SNAP47: variants seen among roughly 807,000 people sequenced by gnomAD.
The protein encoded by SNAP47 is synaptosome associated protein 47, also known as synaptosomal-associated protein 47.
Under a neutral mutation model 31.4 loss-of-function variants are expected in SNAP47, and 20 were observed. The ratio of observed to expected loss-of-function variants is 0.64; its 90% CI spans 0.45 to 0.93. The LOEUF is 0.93. Among genes scored for constraint, SNAP47 ranks in the 40% least tolerant of loss-of-function variants. SNAP47 has a pLI of 0.00. For missense variants in SNAP47, 492 were observed against 528.5 expected, an observed-to-expected ratio of 0.93 and a Z score of 0.68; for synonymous variants, 194 against 213.4, an observed-to-expected ratio of 0.91 and a Z score of 0.79.
At chr1:227,735,622 T>G (rs1571973396) in intron 1 of SNAP47, 123 bp downstream of exon 1, 5 of 1,310,562 alleles carry the variant, frequency 3.8e-6, no homozygotes, top group Non-Finnish European at 3.9e-6. Flanking sequence ...CCCCGGGGGG[T>G]GGGGGGTATG....
intron 2 of SNAP47, among the ~76,000 whole-genome samples, chr1:227,751,409 C>T (rs963768595): frequency 1.3e-5 from 2 of 152,220 alleles, no homozygotes; most frequent in African/African-American, 4.8e-5. Flanking sequence ...CTGAGGAGCA[C>T]AGCAGAGTGA....
At chr1:227,766,922 G>C (rs372793706) in intron 3 of SNAP47, 37 bp from the exon 4 acceptor site, 2 of 1,610,434 alleles carry the variant, frequency 1.2e-6, no homozygotes, top group Non-Finnish European at 1.7e-6. Flanking sequence ...TTGCAACTCC[G>C]AGAGATGTCA....
upstream of SNAP47, chr1:227,733,363 G>C (rs767941859): frequency 1.9e-6 from 3 of 1,539,184 alleles, no homozygotes; most frequent in Non-Finnish European, 2.6e-6. Flanking sequence ...TGGTGCTGCC[G>C]TCTTCCTGCA....
chr1:227,779,425 A>G (rs1156547792), intron 4 of SNAP47, among the ~76,000 whole-genome samples: 3 of 152,166 alleles, frequency 2.0e-5, no homozygotes, highest in African/African-American at 4.8e-5. Flanking sequence ...CCCAGGGCTC[A>G]GGAGTGCTGT....
chr1:227,754,262 A>G (rs1191817153), intron 2 of SNAP47, among the ~76,000 whole-genome samples: 2 of 152,168 alleles, frequency 1.3e-5, no homozygotes, highest in East Asian at 3.9e-4. Context: ...TCCTCTTGAC[A>G]TCCAGCTGCC....
chr1:227,735,398 G>C (rs1317113916), upstream of SNAP47: 4 of 1,569,606 alleles, frequency 2.5e-6, no homozygotes, highest in African/African-American at 1.4e-5. Flanking sequence ...CTGGGGCTCC[G>C]GGCCTGCACG....
At chr1:227,777,024 A>G in intron 4 of SNAP47, 2 of 985,454 alleles carry the variant, frequency 2.0e-6, no homozygotes, top group Non-Finnish European at 2.4e-6. Context: ...TGTGCTTAAT[A>G]GGCAAAACCC....
upstream of SNAP47, chr1:227,733,465 C>G: frequency 1.3e-6 from 2 of 1,589,542 alleles, no homozygotes; most frequent in Non-Finnish European, 1.7e-6. Context: ...CCATCTCGCC[C>G]GCTTCCTGCG....
upstream of SNAP47, chr1:227,735,380 G>GCGCCTCTGCCCCA (rs1661042879): frequency 1.3e-6 from 2 of 1,586,150 alleles, no homozygotes; most frequent in African/African-American, 2.7e-5. Context: ...TTTCTGCCCC[G>GCGCCTCTGCCCCA]CCAGCGCCTG....
intron 1 of SNAP47, among the ~76,000 whole-genome samples, chr1:227,729,792 C>G (rs1660523493): frequency 6.6e-6 from 1 of 152,200 alleles, no homozygotes; most frequent in African/African-American, 2.4e-5. Flanking sequence ...ATCACAATTG[C>G]AAGCCCAGGG....
At chr1:227,738,341 C>T (rs1195542933) in intron 1 of SNAP47, among the ~76,000 whole-genome samples, 2 of 152,114 alleles carry the variant, frequency 1.3e-5, no homozygotes, top group Non-Finnish European at 2.9e-5. Context: ...CACACCCAGC[C>T]GAGATGACCG....
At chr1:227,777,303 C>A (rs1480268524) in intron 4 of SNAP47, 2 of 202,058 alleles carry the variant, frequency 9.9e-6, no homozygotes, top group African/African-American at 2.4e-5. Context: ...CTCAGCCTTG[C>A]AGGGAAGGTG....
At chr1:227,768,854 G>T (rs1326705850) in intron 4 of SNAP47, among the ~76,000 whole-genome samples, 3 of 152,216 alleles carry the variant, frequency 2.0e-5, no homozygotes, top group Admixed American at 6.5e-5. Context: ...GGCAGGATCT[G>T]AGCACACCCC....
At chr1:227,755,768 A>G (rs1430223536) in intron 2 of SNAP47, among the ~76,000 whole-genome samples, 3 of 152,276 alleles carry the variant, frequency 2.0e-5, no homozygotes, top group Non-Finnish European at 4.4e-5. Flanking sequence ...ACTCTTAACT[A>G]AAGGTGACAG....
In SNAP47 at chr1:227,759,371, C is replaced by G; in HGVS notation, c.874C>G (p.Pro292Ala). ...ATCTGCCAAGATGCCAGAGGTTATC[C>G]CCATTTTAGAAGTGCAGTTCAGCAA... ...LISAKMPEVIPILEVQFSKKM... is the reference protein window; with the variant it reads ...LISAKMPEVIAILEVQFSKKM... The change falls in exon 3 of 5, where the codon CCC (proline) becomes GCC (alanine). Residue 292 changes from proline (P) to alanine (A), a missense_variant. Coordinates refer to ENST00000617596, the MANE Select transcript of SNAP47 (RefSeq NM_053052.4). 1 of 1,614,190 alleles carries G rather than the reference C, an allele frequency of 6.2e-7. No homozygotes were observed.
At chr1:227,759,576 G>A (rs1459677428) in intron 3 of SNAP47, 91 bp downstream of exon 3, 21 of 1,514,278 alleles carry the variant, frequency 1.4e-5, no homozygotes, top group Middle Eastern at 2.4e-4. Context: ...TAACAGATGC[G>A]TCACCTAGAG....
At position 227,759,368 on chromosome 1, in the gene SNAP47, A is replaced by T; in HGVS notation, c.871A>T (p.Ile291Phe). 3.7e-6 allele frequency: 6 copies of T among 1,614,248 alleles called. No individual in the cohort carries two copies. Among genetic ancestry groups the T allele is most frequent in the Non-Finnish European group, 5.1e-6 (6 of 1,180,046 alleles). Residue 291 changes from isoleucine to phenylalanine, a missense_variant, in exon 3 of 5, where the codon ATC (isoleucine) becomes TTC (phenylalanine). Physicochemically the swap from Ile to Phe is conservative, Grantham distance 21. Coordinates refer to ENST00000617596, the MANE Select transcript of SNAP47 (RefSeq NM_053052.4). ...RLISAKMPEV[I>F]PILEVQFSKK... ...GATATCTGCCAAGATGCCAGAGGTT[A>T]TCCCCATTTTAGAAGTGCAGTTCAG...
chr1:227,735,558 C>G, intron 1 of SNAP47, 59 bp downstream of exon 1: 4 of 1,351,326 alleles, frequency 3.0e-6, no homozygotes, highest in Non-Finnish European at 3.8e-6. Flanking sequence ...AGCGTCCGCC[C>G]TCGGCTCAGT....
chr1:227,754,209 C>T (rs1662552783), intron 2 of SNAP47, among the ~76,000 whole-genome samples: 1 of 152,260 alleles, frequency 6.6e-6, no homozygotes, highest in East Asian at 1.9e-4. Context: ...CTGCATCATT[C>T]TGCCAGTTGG....
Sources: gnomAD v4.1 joint callset for allele counts (sites outside exome capture counted in the v4.1 genomes callset) on GRCh38, gnomAD v4.1.1 for gene constraint, MANE v1.5 for transcripts, NCBI Gene and HGNC (gene_info 2026-07-23, HGNC 2026-07-21) for gene names.